The following GRIP1 variants were observed in gnomAD, a reference collection of about 807,000 sequenced individuals.
GRIP1 encodes the protein glutamate receptor interacting protein 1.
Under a neutral mutation model 129.9 loss-of-function variants are expected in GRIP1, and 45 were observed. The observed-to-expected ratio is 0.35, with a 90% CI of 0.27 to 0.44. The LOEUF (loss-of-function observed/expected upper bound fraction) is 0.44. Ranked by LOEUF, GRIP1 falls within the 20% of genes least tolerant of loss-of-function variation. The probability of loss-of-function intolerance (pLI) is 1.00; values close to 1 mark genes in which losing one functional copy is unlikely to be tolerated. For synonymous variants in GRIP1, 530 were observed against 520.8 expected, an observed-to-expected ratio of 1.02 and a Z score of -0.24; for missense variants, 1,196 against 1,396.8, an observed-to-expected ratio of 0.86 and a Z score of 2.29.
chr12:66,700,840 T>G (rs189231142), intron 1 of GRIP1, among the ~76,000 whole-genome samples: 272 of 152,232 alleles, frequency 1.8e-3, no homozygotes, highest in Non-Finnish European at 3.3e-3. Flanking sequence ...AATGCTTTAT[T>G]GCTGTCTGAG....
At chr12:66,503,488 A>G (rs1185770596) in intron 7 of GRIP1, among the ~76,000 whole-genome samples, 1 of 152,130 alleles carries the variant, frequency 6.6e-6, no homozygotes, top group Non-Finnish European at 1.5e-5. Flanking sequence ...GTCTCTTCCA[A>G]GTGTACTTTC....
At chr12:66,616,567 T>C (rs1377816246) in intron 1 of GRIP1, among the ~76,000 whole-genome samples, 2 of 152,146 alleles carry the variant, frequency 1.3e-5, no homozygotes, top group Non-Finnish European at 1.5e-5. Context: ...ACAGGCCTTA[T>C]GTATCTCTTT....
chr12:66,713,988 T>C (rs1238182383), intron 1 of GRIP1, among the ~76,000 whole-genome samples: 1 of 152,042 alleles, frequency 6.6e-6, no homozygotes, highest in Non-Finnish European at 1.5e-5. Flanking sequence ...ATTCACCCTA[T>C]TGCTCACTCT....
chr12:66,640,739 A>T (rs561155150), intron 1 of GRIP1, among the ~76,000 whole-genome samples: 1 of 152,336 alleles, frequency 6.6e-6, no homozygotes, highest in East Asian at 1.9e-4. Flanking sequence ...CAAAGAATTA[A>T]TGTTTCAAGC....
chr12:66,629,801 T>G (rs2030541796), intron 1 of GRIP1, among the ~76,000 whole-genome samples: 1 of 152,196 alleles, frequency 6.6e-6, no homozygotes, highest in Non-Finnish European at 1.5e-5. Context: ...CCCATTCATC[T>G]ATTACATTCC....
chr12:66,794,217 C>T (rs538731168), intron 1 of GRIP1, among the ~76,000 whole-genome samples: 1 of 152,262 alleles, frequency 6.6e-6, no homozygotes, highest in African/African-American at 2.4e-5. Context: ...GTTTTCTAAA[C>T]TTCCTAATCA....
intron 7 of GRIP1, among the ~76,000 whole-genome samples, chr12:66,497,368 A>G (rs2060265351): frequency 6.6e-6 from 1 of 152,228 alleles, no homozygotes; most frequent in African/African-American, 2.4e-5. Context: ...TTTAAAGAAC[A>G]TTGCAAAATA....
At chr12:66,827,571 A>G (rs765959768) in intron 1 of GRIP1, among the ~76,000 whole-genome samples, 51 of 152,118 alleles carry the variant, frequency 3.4e-4, no homozygotes, top group Non-Finnish European at 5.9e-4. Context: ...TCCACACTCA[A>G]GGGGAGGGGA....
rs562406951 is a variant in GRIP1, at chr12:67,041,324, GTA to G, written c.58+27724_58+27725del. 4.0e-3 allele frequency among the ~76,000 whole-genome samples: 611 copies of G among 152,022 alleles called. 6 individuals are homozygous for G. Among genetic ancestry groups the G allele is most frequent in the African/African-American group, 0.013 (557 of 41,454 alleles). Reference sequence around the variant, plus strand: ...CACATATATTTATATATACACGTGTGTATGTGTGTGTGTATAGACACACATGT... The same window carrying G: ...CACATATATTTATATATACACGTGTGTGTGTGTGTGTATAGACACACATGT... On this transcript the variant is annotated intron_variant, in intron 1 of 1. Transcript: ENST00000643019.
At chr12:66,461,103 T>G (rs1232913605) in intron 9 of GRIP1, among the ~76,000 whole-genome samples, 3 of 152,178 alleles carry the variant, frequency 2.0e-5, no homozygotes, top group African/African-American at 7.2e-5. Context: ...GGCAAAAAAT[T>G]TGTGCTTAGT....
At chr12:66,876,795 C>A (rs1221805449) in intron 1 of GRIP1, among the ~76,000 whole-genome samples, 3 of 152,018 alleles carry the variant, frequency 2.0e-5, no homozygotes, top group Admixed American at 6.6e-5. Flanking sequence ...AGGCAAAGTT[C>A]AGTCACAGAG....
intron 1 of GRIP1, among the ~76,000 whole-genome samples, chr12:66,967,913 A>G (rs192994726): frequency 1.1e-3 from 168 of 152,228 alleles, no homozygotes; most frequent in African/African-American, 3.6e-3. Context: ...GGATTCTGCT[A>G]TTGTTGGATG....
chr12:66,962,978 C>A (rs1463390123), intron 1 of GRIP1, among the ~76,000 whole-genome samples: 3 of 152,098 alleles, frequency 2.0e-5, no homozygotes, highest in African/African-American at 7.2e-5. Flanking sequence ...CACAAATGTT[C>A]ATAACTGGAA....
intron 7 of GRIP1, among the ~76,000 whole-genome samples, chr12:66,476,945 G>A (rs1175379850): frequency 2.0e-5 from 3 of 152,148 alleles, no homozygotes; most frequent in Non-Finnish European, 4.4e-5. Context: ...AAAACTGGAA[G>A]CATTCCCTTT....
At chr12:67,015,190 A>G (rs1488253505) in intron 1 of GRIP1, among the ~76,000 whole-genome samples, 2 of 152,152 alleles carry the variant, frequency 1.3e-5, no homozygotes, top group Non-Finnish European at 2.9e-5. Flanking sequence ...TGATCAAGAA[A>G]TGTGTACACT....
At chr12:66,781,550 G>A (rs2038160093) in intron 1 of GRIP1, among the ~76,000 whole-genome samples, 1 of 152,106 alleles carries the variant, frequency 6.6e-6, no homozygotes, top group Admixed American at 6.5e-5. Context: ...CACTCATAGA[G>A]TTCTGCAAAC....
At chr12:66,872,677 T>G (rs918510749) in intron 1 of GRIP1, among the ~76,000 whole-genome samples, 2 of 151,938 alleles carry the variant, frequency 1.3e-5, no homozygotes, top group African/African-American at 4.8e-5. Flanking sequence ...ATGTGTAAAT[T>G]TATTCTCTAA....
chr12:66,432,775 A>G (rs6581694), intron 13 of GRIP1, 147 bp from the exon 14 acceptor site: 604,144 of 630,538 alleles, frequency 0.96, 291,474 homozygotes, highest in Non-Finnish European at 1. Context: ...TTAAAATCCT[A>G]GTAAATTAAG....
At chr12:66,735,567 TC>T (rs1403098391) in intron 1 of GRIP1, among the ~76,000 whole-genome samples, 1 of 151,194 alleles carries the variant, frequency 6.6e-6, no homozygotes, top group Non-Finnish European at 1.5e-5. Context: ...AAAGGGAAAA[TC>T]TGATTAAACT....
Sources: allele counts gnomAD v4.1 joint callset (sites outside exome capture counted in the v4.1 genomes callset), GRCh38; gene constraint gnomAD v4.1.1; transcripts MANE v1.5; gene names NCBI Gene and HGNC (gene_info 2026-07-23, HGNC 2026-07-21).